The following ALDH7A1 variants were observed in gnomAD, a reference collection of about 807,000 sequenced individuals.
The protein encoded by ALDH7A1 is aldehyde dehydrogenase 7 family member A1.
Under a neutral mutation model 79.9 loss-of-function variants are expected in ALDH7A1, and 63 were observed. The observed-to-expected ratio is 0.79, with a 90% CI of 0.64 to 0.97. The LOEUF (loss-of-function observed/expected upper bound fraction) is 0.97, where lower values mean the gene tolerates loss of function less well. Ranked by LOEUF, ALDH7A1 falls within the 50% of genes least tolerant of loss-of-function variation. ALDH7A1 has a pLI of 0.00. For missense variants in ALDH7A1, 627 were observed against 665.2 expected (o/e 0.94, Z 0.63); for synonymous variants, 240 against 231.2 (o/e 1.04, Z -0.34).
intron 14 of ALDH7A1, 40 bp downstream of exon 14, chr5:126,551,981 T>G (rs751572731): frequency 6.8e-7 from 1 of 1,472,328 alleles, no homozygotes; most frequent in Non-Finnish European, 9.5e-7. Context: ...CTCTTATCAT[T>G]TATTTCAACA....
intron 12 of ALDH7A1, chr5:126,555,084 A>C (rs1226940769): frequency 6.3e-6 from 1 of 158,202 alleles, no homozygotes; most frequent in Non-Finnish European, 1.4e-5. Flanking sequence ...GGGAAAATAG[A>C]CACAGAAAGG....
In ALDH7A1 at chr5:126,577,225, A is replaced by G; in HGVS notation, c.518-14T>C. On this transcript the variant is annotated splice_polypyrimidine_tract_variant and intron_variant, in intron 5 of 17. Coordinates refer to ENST00000409134, the MANE Select transcript of ALDH7A1 (RefSeq NM_001182.5). ...CATGGCCAGATCCTGAGGACAGAAA[A>G]AGGATGGAACATGCAGAAGCATGTT... 1 of 1,614,084 alleles carries G rather than the reference A, an allele frequency of 6.2e-7. No individual in the cohort carries two copies.
At chr5:126,570,517 C>T (rs1348276053) in intron 8 of ALDH7A1, 6 of 408,244 alleles carry the variant, frequency 1.5e-5, no homozygotes, top group Non-Finnish European at 2.3e-5. Context: ...ACAGGCTGCC[C>T]CCCATTACAG....
At chr5:126,586,292 C>T (rs148293543) in intron 3 of ALDH7A1, 1 of 152,222 alleles carries the variant, frequency 6.6e-6, no homozygotes, top group Non-Finnish European at 1.5e-5. Context: ...TATACATTTC[C>T]TAGCACATGG....
At chr5:126,573,765 G>T (rs1183586281) in intron 7 of ALDH7A1, among the ~76,000 whole-genome samples, 3 of 151,720 alleles carry the variant, frequency 2.0e-5, no homozygotes, top group African/African-American at 7.3e-5. Context: ...TACTTGGGAG[G>T]TTGAGGCAGG....
chr5:126,554,625 C>G, intron 12 of ALDH7A1: 1 of 539,564 alleles, frequency 1.9e-6, no homozygotes, highest in Non-Finnish European at 3.3e-6. Flanking sequence ...GCAAAAGCAG[C>G]CATAAATGAC....
rs759910341 is a variant in ALDH7A1, at chr5:126,593,345, T to C, written c.246+6A>G. The C allele has an allele frequency of 6.6e-7, 1 of 1,519,780 alleles. No individual in the cohort carries two copies. The highest frequency in any genetic ancestry group is 1.2e-5 in the South Asian group (1 of 86,036). 94.1% of individuals were successfully genotyped at this position (1,519,780 alleles called of 1,614,324 possible). A position where few individuals can be genotyped will look rare whatever the true frequency, so the allele number is the denominator to read the frequency against. On this transcript the variant is annotated splice_donor_region_variant and intron_variant, in intron 2 of 17. Coordinates refer to ENST00000409134, the MANE Select transcript of ALDH7A1 (RefSeq NM_001182.5). The stretch of plus-strand genomic sequence containing the variant: ...CACACACACACACACACACACACAC[T>C]CTTACCTGTCGGACTCTTGCTATTG...
chr5:126,563,252 C>G (rs755350131), intron 9 of ALDH7A1, among the ~76,000 whole-genome samples: 20 of 152,086 alleles, frequency 1.3e-4, no homozygotes, highest in Non-Finnish European at 2.4e-4. Flanking sequence ...GCATTTATAT[C>G]TAGTTGAGAT....
chr5:126,586,023 T>G (rs964927170), intron 3 of ALDH7A1: 1 of 152,136 alleles, frequency 6.6e-6, no homozygotes, highest in African/African-American at 2.4e-5. Context: ...TAAAATAAGG[T>G]CGATTTTTAT....
intron 5 of ALDH7A1, chr5:126,581,977 CAAAA>C (rs370543985): frequency 5.4e-5 from 17 of 316,600 alleles, no homozygotes; most frequent in Admixed American, 1.1e-4. Flanking sequence ...GACTCCATCT[CAAAA>C]AAAAAAAAAT....
Position 126,544,369 on chromosome 5 carries a change from T to TC in ALDH7A1, c.*595dup, listed in dbSNP as rs1749714334. On this transcript the variant is annotated 3_prime_UTR_variant, in exon 18 of 18. Transcript: ENST00000409134. Reference sequence around the variant, plus strand: ...AAATCTGTCTACCCCAGAAATCTCTTCCAAGTTGACACAGCCTTCATAAGC... The same window carrying TC: ...AAATCTGTCTACCCCAGAAATCTCTTCCCAAGTTGACACAGCCTTCATAAGC... 6.4e-6 allele frequency: 1 copy of TC among 156,414 alleles called. No individual in the cohort carries two copies. Among genetic ancestry groups the TC allele is most frequent in the African/African-American group, 2.4e-5 (1 of 41,438 alleles). 9.7% of individuals were successfully genotyped at this position (156,414 alleles called of 1,614,324 possible). A position where few individuals can be genotyped will look rare whatever the true frequency, so the allele number is the denominator to read the frequency against.
Position 126,544,726 on chromosome 5 carries a change from A to C in ALDH7A1, c.*239T>G. 3 of 528,588 alleles carry C rather than the reference A, an allele frequency of 5.7e-6. No individual in the cohort carries two copies. The South Asian group carries it at 6.4e-5, about 11-fold the overall frequency. The allele number at this position is 528,588 out of a possible 1,614,324, so 32.7% of individuals were successfully genotyped here. Reference sequence around the variant, plus strand: ...TTAAAAAGCCATGTACAACTAGTTGACATAATAAAAATCCACCTAACTCAT... The same window carrying C: ...TTAAAAAGCCATGTACAACTAGTTGCCATAATAAAAATCCACCTAACTCAT... On this transcript the variant is annotated 3_prime_UTR_variant, in exon 18 of 18. Coordinates refer to ENST00000409134, the MANE Select transcript of ALDH7A1 (RefSeq NM_001182.5).
chr5:126,556,618 A>G (rs1561652767), intron 11 of ALDH7A1, among the ~76,000 whole-genome samples: 1 of 152,190 alleles, frequency 6.6e-6, no homozygotes, highest in Non-Finnish European at 1.5e-5. Flanking sequence ...GAAGGCCTCA[A>G]GTACATGTGT....
At chr5:126,561,483 AGT>A (rs57059063) in intron 9 of ALDH7A1, 4,545 of 154,900 alleles carry the variant, frequency 0.029, 91 homozygotes, top group African/African-American at 0.053. Flanking sequence ...GCACCCACAG[AGT>A]GTGTGTGTGT....
intron 11 of ALDH7A1, among the ~76,000 whole-genome samples, chr5:126,558,351 T>A (rs1389069350): frequency 6.6e-6 from 1 of 152,168 alleles, no homozygotes; most frequent in Non-Finnish European, 1.5e-5. Context: ...CTAAACCACA[T>A]CTCCTTATAT....
Position 126,542,919 on chromosome 5 carries a change from A to G in ALDH7A1, c.*2046T>C, listed in dbSNP as rs1749657704. The G allele has an allele frequency of 6.6e-6, 1 of 152,230 alleles. No homozygotes were observed. Among genetic ancestry groups the G allele is most frequent in the East Asian group, 1.9e-4 (1 of 5,204 alleles). The allele number at this position is 152,230 out of a possible 1,614,324, so 9.4% of individuals were successfully genotyped here. A position where few individuals can be genotyped will look rare whatever the true frequency, so the allele number is the denominator to read the frequency against. On this transcript the variant is annotated 3_prime_UTR_variant, in exon 18 of 18. Coordinates refer to ENST00000409134, the MANE Select transcript of ALDH7A1 (RefSeq NM_001182.5). ...GCTCAGCGAATGGATGCTCTCTCCA[A>G]GTACAGCAAGATCCTAAGCAAGTTA...
intron 9 of ALDH7A1, chr5:126,564,729 G>A (rs1581374772): frequency 2.3e-6 from 1 of 434,646 alleles, no homozygotes; most frequent in Non-Finnish European, 3.9e-6. Context: ...ATAGCATAGC[G>A]CTATGCTAGG....
intron 8 of ALDH7A1, chr5:126,570,581 T>G (rs1750738020): frequency 1.7e-6 from 1 of 602,954 alleles, no homozygotes; most frequent in East Asian, 2.9e-5. Context: ...TCTGGGCAAT[T>G]AAAAAGACAA....
At chr5:126,568,052 G>T in intron 9 of ALDH7A1, 1 of 504,314 alleles carries the variant, frequency 2.0e-6, no homozygotes, top group East Asian at 3.9e-5. Context: ...CAAAGTGCTG[G>T]GATTTTCATA....
Sources: allele counts gnomAD v4.1 joint callset (sites outside exome capture counted in the v4.1 genomes callset), GRCh38; gene constraint gnomAD v4.1.1; transcripts MANE v1.5; gene names NCBI Gene and HGNC (gene_info 2026-07-23, HGNC 2026-07-21).